LPAR3: variants seen among roughly 807,000 people sequenced by gnomAD.
LPAR3 encodes the protein LPA receptor 3.
A neutral mutation model predicts 17.8 loss-of-function variants in LPAR3; 7 were observed. That is an observed-to-expected ratio of 0.39 (90% CI 0.22 to 0.74). The LOEUF (loss-of-function observed/expected upper bound fraction) is 0.74. Among genes scored for constraint, LPAR3 ranks in the 30% least tolerant of loss-of-function variants. LPAR3 has a pLI of 0.40. For missense variants in LPAR3, 391 were observed against 453.4 expected, an observed-to-expected ratio of 0.86 and a Z score of 1.25; for synonymous variants, 179 against 179.9, an observed-to-expected ratio of 0.99 and a Z score of 0.04.
intron 1 of LPAR3, among the ~76,000 whole-genome samples, chr1:84,876,508 T>C (rs1448513876): frequency 1.3e-5 from 2 of 152,128 alleles, no homozygotes; most frequent in Non-Finnish European, 2.9e-5. Flanking sequence ...CATCCCTCTA[T>C]ATAAAGGTAG....
chr1:84,816,924 G>A (rs1410725563), intron 2 of LPAR3, among the ~76,000 whole-genome samples: 2 of 152,220 alleles, frequency 1.3e-5, no homozygotes, highest in African/African-American at 2.4e-5. Flanking sequence ...CCCAGGAAAA[G>A]TCTGTGCTTT....
chr1:84,880,851 C>A (rs1287634435), intron 1 of LPAR3, among the ~76,000 whole-genome samples: 1 of 152,164 alleles, frequency 6.6e-6, no homozygotes, highest in Non-Finnish European at 1.5e-5. Flanking sequence ...AAGGACTTCC[C>A]AGGGGACAAA....
chr1:84,843,670 C>T (rs534744504), intron 2 of LPAR3, among the ~76,000 whole-genome samples: 21 of 152,370 alleles, frequency 1.4e-4, no homozygotes, highest in Admixed American at 9.1e-4. Flanking sequence ...AATAACATCA[C>T]TTTTCTAAAG....
At chr1:84,849,787 C>T (rs1052176986) in intron 2 of LPAR3, among the ~76,000 whole-genome samples, 17 of 152,148 alleles carry the variant, frequency 1.1e-4, no homozygotes, top group Admixed American at 9.2e-4. Flanking sequence ...CTTCTCAAAA[C>T]CAAGGAGGCT....
intron 1 of LPAR3, among the ~76,000 whole-genome samples, chr1:84,883,886 TAA>T (rs772860763): frequency 6.6e-6 from 1 of 152,194 alleles, no homozygotes; most frequent in Non-Finnish European, 1.5e-5. Context: ...TTGCAGAAAG[TAA>T]AAAGTTTCCT....
chr1:84,812,122 A>C lies in LPAR3; in HGVS notation c.*1724T>G. 1 of 152,334 alleles carries C rather than the reference A, an allele frequency of 6.6e-6. No individual in the cohort carries two copies. Among genetic ancestry groups the C allele is most frequent in the East Asian group, 1.9e-4 (1 of 5,184 alleles). 9.4% of individuals were successfully genotyped at this position (152,334 alleles called of 1,614,324 possible). A position where few individuals can be genotyped will look rare whatever the true frequency, so the allele number is the denominator to read the frequency against. ...TACATGCTAAATCCAACATGCCACC[A>C]GTTGGTATGGAGGTAACTGAAGATA... On this transcript the variant is annotated 3_prime_UTR_variant, in exon 3 of 3. Transcript: ENST00000370611.
intron 1 of LPAR3, among the ~76,000 whole-genome samples, chr1:84,870,699 C>T (rs1660143886): frequency 6.6e-6 from 1 of 152,116 alleles, no homozygotes; most frequent in South Asian, 2.1e-4. Flanking sequence ...ACTATTATTA[C>T]ACCCATTATG....
At chr1:84,863,433 T>A (rs1478866854) in intron 2 of LPAR3, among the ~76,000 whole-genome samples, 1 of 152,346 alleles carries the variant, frequency 6.6e-6, no homozygotes, top group African/African-American at 2.4e-5. Flanking sequence ...ACACTGCTAA[T>A]GCTTCCTCTC....
At chr1:84,854,568 C>A (rs886230062) in intron 2 of LPAR3, among the ~76,000 whole-genome samples, 1 of 152,174 alleles carries the variant, frequency 6.6e-6, no homozygotes, top group African/African-American at 2.4e-5. Context: ...AAATCTTGGT[C>A]ATTTCCTGAC....
intron 2 of LPAR3, among the ~76,000 whole-genome samples, chr1:84,860,448 T>C (rs1659917035): frequency 6.6e-6 from 1 of 152,220 alleles, no homozygotes; most frequent in Admixed American, 6.5e-5. Context: ...TAAATGTTTC[T>C]ATCATCACAC....
At chr1:84,876,667 C>T (rs544779959) in intron 1 of LPAR3, among the ~76,000 whole-genome samples, 3 of 152,304 alleles carry the variant, frequency 2.0e-5, no homozygotes, top group South Asian at 2.1e-4. Flanking sequence ...GCTCCGGTTA[C>T]CAGGTTGACT....
chr1:84,886,608 G>T (rs1660465029), intron 1 of LPAR3, among the ~76,000 whole-genome samples: 1 of 152,134 alleles, frequency 6.6e-6, no homozygotes, highest in Non-Finnish European at 1.5e-5. Flanking sequence ...ACAAACACAA[G>T]AAAGGTAACT....
intron 1 of LPAR3, among the ~76,000 whole-genome samples, chr1:84,878,011 G>T: frequency 8.1e-6 from 1 of 123,530 alleles, no homozygotes; most frequent in African/African-American, 3.3e-5. Flanking sequence ...GCAAGTATAG[G>T]GTATTCTTGA....
intron 2 of LPAR3, among the ~76,000 whole-genome samples, chr1:84,837,450 G>A (rs1444262243): frequency 1.3e-5 from 2 of 152,116 alleles, no homozygotes; most frequent in African/African-American, 4.8e-5. Context: ...CCAGTCTGGC[G>A]CCAGCAAGAA....
At chr1:84,880,652 C>T (rs985665202) in intron 1 of LPAR3, among the ~76,000 whole-genome samples, 1 of 152,180 alleles carries the variant, frequency 6.6e-6, no homozygotes, top group African/African-American at 2.4e-5. Flanking sequence ...TGCTTAAGAG[C>T]TTGACCCAGA....
intron 2 of LPAR3, among the ~76,000 whole-genome samples, chr1:84,856,987 C>A (rs2102761504): frequency 6.6e-6 from 1 of 152,308 alleles, no homozygotes; most frequent in East Asian, 1.9e-4. Flanking sequence ...CAGAGCTTTT[C>A]AGTTCTGTGG....
chr1:84,818,520 G>A (rs768631955), intron 2 of LPAR3, among the ~76,000 whole-genome samples: 7 of 152,156 alleles, frequency 4.6e-5, no homozygotes, highest in Admixed American at 6.5e-5. Context: ...TGCGATGCAC[G>A]CATGCCAGGG....
chr1:84,869,853 A>C (rs1660125084), intron 1 of LPAR3, among the ~76,000 whole-genome samples: 1 of 152,234 alleles, frequency 6.6e-6, no homozygotes, highest in African/African-American at 2.4e-5. Context: ...AGCACAGCAC[A>C]CTTCAGGGTT....
At chr1:84,851,342 C>T (rs1211180350) in intron 2 of LPAR3, among the ~76,000 whole-genome samples, 1 of 152,190 alleles carries the variant, frequency 6.6e-6, no homozygotes. Context: ...AGACCCTCCA[C>T]TAACTGCCAG....
Sources: gnomAD v4.1 joint callset for allele counts (sites outside exome capture counted in the v4.1 genomes callset) on GRCh38, gnomAD v4.1.1 for gene constraint, MANE v1.5 for transcripts, NCBI Gene and HGNC (gene_info 2026-07-23, HGNC 2026-07-21) for gene names.